The following RYR2 variants were observed in gnomAD, a reference collection of about 807,000 sequenced individuals.
RYR2 encodes ryanodine receptor 2.
A neutral mutation model predicts 601.1 loss-of-function variants in RYR2; 227 were observed. The ratio of observed to expected loss-of-function variants is 0.38; its 90% CI spans 0.34 to 0.42. RYR2 has a LOEUF of 0.42. Ranked by LOEUF, RYR2 falls within the 10% of genes least tolerant of loss-of-function variation. The pLI is 1.00. For missense variants in RYR2, 4,646 were observed against 6,156.5 expected, an observed-to-expected ratio of 0.75 and a Z score of 8.21; for synonymous variants, 2,223 against 2,175.1, an observed-to-expected ratio of 1.02 and a Z score of -0.61.
chr1:237,651,355 T>C (rs1682710320), intron 50 of RYR2, 56 bp from the exon 51 acceptor site: 1 of 1,157,024 alleles, frequency 8.6e-7, no homozygotes, highest in East Asian at 2.5e-5. Context: ...TAATGAATGA[T>C]CTACTTAGTT....
At chr1:237,182,191 G>T (rs1678845231) in intron 1 of RYR2, among the ~76,000 whole-genome samples, 1 of 151,940 alleles carries the variant, frequency 6.6e-6, no homozygotes, top group Non-Finnish European at 1.5e-5. Flanking sequence ...GCGCGATCTT[G>T]GCTCACTGCA....
intron 1 of RYR2, among the ~76,000 whole-genome samples, chr1:237,121,435 G>A (rs952728171): frequency 1.3e-5 from 2 of 152,122 alleles, no homozygotes; most frequent in Admixed American, 6.5e-5. Context: ...GGAGAAAGCT[G>A]TTTACAGTAA....
chr1:237,672,325 C>A (rs974435092), intron 58 of RYR2, among the ~76,000 whole-genome samples: 1 of 152,160 alleles, frequency 6.6e-6, no homozygotes, highest in Non-Finnish European at 1.5e-5. Flanking sequence ...TGGTATGCGG[C>A]CCCAAAATCA....
chr1:237,625,566 A>C, intron 39 of RYR2, 95 bp from the exon 40 acceptor site: 1 of 1,268,732 alleles, frequency 7.9e-7, no homozygotes, highest in Non-Finnish European at 1.1e-6. Flanking sequence ...ACATTGTTCT[A>C]AGTTGTGCAT....
At chr1:237,169,515 GT>G (rs755985279) in intron 1 of RYR2, among the ~76,000 whole-genome samples, 6 of 125,920 alleles carry the variant, frequency 4.8e-5, no homozygotes, top group Non-Finnish European at 1.0e-4. Context: ...GGCCAGGCTG[GT>G]CTCGAACTCC....
At position 237,351,148 on chromosome 1, in the gene RYR2, A is replaced by G. The variant is rs190189919; in HGVS notation, c.274-4817A>G. On this transcript the variant is annotated intron_variant, in intron 3 of 104. Coordinates refer to ENST00000366574, the MANE Select transcript of RYR2 (RefSeq NM_001035.3). ...AATCAACGAGTTAATCAAAATGGCA[A>G]ATTATAAGATATTTTAAATTGGATA... 2.0e-3 allele frequency among the ~76,000 whole-genome samples: 297 copies of G among 152,284 alleles called. 2 individuals are homozygous for G. Among genetic ancestry groups the G allele is most frequent in the African/African-American group, 6.3e-3 (261 of 41,586 alleles).
chr1:237,107,842 C>T (rs1234453532), intron 1 of RYR2, among the ~76,000 whole-genome samples: 1 of 152,220 alleles, frequency 6.6e-6, no homozygotes, highest in Non-Finnish European at 1.5e-5. Context: ...ACCTCCCCTG[C>T]ACAGGCTGGG....
At chr1:237,360,446 T>C (rs1199714415) in intron 4 of RYR2, among the ~76,000 whole-genome samples, 1 of 152,222 alleles carries the variant, frequency 6.6e-6, no homozygotes, top group Non-Finnish European at 1.5e-5. Context: ...AGATAAAGTG[T>C]GAGAACTTAT....
chr1:237,124,112 G>A (rs544835016), intron 1 of RYR2, among the ~76,000 whole-genome samples: 4 of 152,252 alleles, frequency 2.6e-5, no homozygotes, highest in South Asian at 4.2e-4. Context: ...ACAGGGTTAC[G>A]GTGAGTGTCA....
intron 35 of RYR2, among the ~76,000 whole-genome samples, chr1:237,602,470 A>G (rs1255685454): frequency 1.3e-5 from 2 of 152,224 alleles, no homozygotes; most frequent in Non-Finnish European, 2.9e-5. Context: ...CTCCAGTAAC[A>G]TAAATGAAAG....
chr1:237,596,003 C>A (rs1296186067), intron 34 of RYR2, among the ~76,000 whole-genome samples: 1 of 152,124 alleles, frequency 6.6e-6, no homozygotes, highest in East Asian at 1.9e-4. Context: ...AGAACCAAAA[C>A]CAGTGTATCC....
chr1:237,710,984 G>A (rs1386821034), intron 70 of RYR2, among the ~76,000 whole-genome samples: 1 of 152,078 alleles, frequency 6.6e-6, no homozygotes, highest in Non-Finnish European at 1.5e-5. Flanking sequence ...GGAAAATAGG[G>A]GGAGCCCAGG....
intron 4 of RYR2, 134 bp from the exon 5 acceptor site, chr1:237,364,224 G>GTT: frequency 1.0e-5 from 7 of 693,794 alleles, no homozygotes; most frequent in South Asian, 5.8e-5. Context: ...CATGGTGAAT[G>GTT]TTTTTTTTTA....
rs184218219 is a variant in RYR2 at position 237,705,323 on chromosome 1, A to G, written c.9560A>G (p.Lys3187Arg). The change falls in exon 67 of 105, where the codon AAG becomes AGG. Residue 3187 changes from lysine (K) to arginine (R), a missense_variant. Transcript: ENST00000366574. ...KHNIYSIYNTKSSRERAALSL... is the reference protein window; with the variant it reads ...KHNIYSIYNTRSSRERAALSL... ...AATATTTACTCCATCTACAATACCA[A>G]GTCTTCACGAGAAAGAGCAGGTAAC... 2.3e-4 allele frequency: 366 copies of G among 1,605,188 alleles called. 2 individuals are homozygous for G. In the African/African-American group the frequency reaches 4.7e-3, roughly 20 times the overall value.
intron 25 of RYR2, among the ~76,000 whole-genome samples, chr1:237,538,863 G>T (rs921237735): frequency 6.6e-6 from 1 of 152,164 alleles, no homozygotes; most frequent in Non-Finnish European, 1.5e-5. Flanking sequence ...CCAGGGGGAC[G>T]AGTTTTAAAG....
Position 237,742,270 on chromosome 1 carries a change from C to CT in RYR2, c.11092-11dup, listed in dbSNP as rs397516499. 123,761 of 1,162,062 alleles carry CT rather than the reference C, an allele frequency of 0.11. 502 individuals carry two copies. Among genetic ancestry groups the CT allele is most frequent in the Non-Finnish European group, 0.12 (99,409 of 848,872 alleles). 72.0% of individuals were successfully genotyped at this position (1,162,062 alleles called of 1,614,324 possible). A position where few individuals can be genotyped will look rare whatever the true frequency, so the allele number is the denominator to read the frequency against. ...TAAAATCTCAACATATTCCTGTCTC[C>CT]TTTTTTTTTTTTTTTAAATATACAG... On this transcript the variant is annotated intron_variant, in intron 79 of 104. Transcript: ENST00000366574.
chr1:237,213,915 C>CTTTTTTTTTTTTTT (rs71180008), intron 1 of RYR2, among the ~76,000 whole-genome samples: 4 of 65,496 alleles, frequency 6.1e-5, no homozygotes, highest in Non-Finnish European at 8.7e-5. Context: ...TTTTCTTTTT[C>CTTTTTTTTTTTTTT]TTTTTTTTTT....
At chr1:237,486,908 C>T (rs1264541510) in intron 17 of RYR2, among the ~76,000 whole-genome samples, 1 of 151,936 alleles carries the variant, frequency 6.6e-6, no homozygotes, top group Non-Finnish European at 1.5e-5. Flanking sequence ...TATTTTGGAT[C>T]TACTCTTAAA....
At chr1:237,447,200 C>T (rs1657465041) in intron 14 of RYR2, among the ~76,000 whole-genome samples, 1 of 152,146 alleles carries the variant, frequency 6.6e-6, no homozygotes, top group Non-Finnish European at 1.5e-5. Context: ...AGACCAAAAA[C>T]TGGTTATTTG....
Sources: allele counts gnomAD v4.1 joint callset (sites outside exome capture counted in the v4.1 genomes callset), GRCh38; gene constraint gnomAD v4.1.1; transcripts MANE v1.5; gene names NCBI Gene and HGNC (gene_info 2026-07-23, HGNC 2026-07-21).